Variants in BAZ2B observed in about 807,000 individuals in gnomAD.
The protein encoded by BAZ2B is bromodomain adjacent to zinc finger domain protein 2B.
BAZ2B carries 91 observed loss-of-function variants against 246.0 expected under a neutral mutation model. That is an observed-to-expected ratio of 0.37 (90% confidence interval 0.31 to 0.44). The LOEUF (loss-of-function observed/expected upper bound fraction) is 0.44. Ranked by LOEUF, BAZ2B falls within the 20% of genes least tolerant of loss-of-function variation. The pLI, the probability that BAZ2B is intolerant of heterozygous loss-of-function variation, is 1.00. For synonymous variants in BAZ2B, 855 were observed against 860.0 expected, an observed-to-expected ratio of 0.99 and a Z score of 0.10; for missense variants, 2,332 against 2,533.7, an observed-to-expected ratio of 0.92 and a Z score of 1.71.
At chr2:159,603,227 G>T (rs1490697473) in intron 1 of BAZ2B, among the ~76,000 whole-genome samples, 1 of 152,228 alleles carries the variant, frequency 6.6e-6, no homozygotes, top group African/African-American at 2.4e-5. Flanking sequence ...AAGAGAAAAT[G>T]CTCATGATAT....
At chr2:159,384,094 T>C (rs3771702) in intron 23 of BAZ2B, among the ~76,000 whole-genome samples, 93,493 of 151,842 alleles carry the variant, frequency 0.62, 31,044 homozygotes, top group Non-Finnish European at 0.76. Context: ...ACACTAAGTG[T>C]ATATATATAA....
chr2:159,387,804 T>G (rs1326808445), intron 21 of BAZ2B, among the ~76,000 whole-genome samples: 5 of 152,122 alleles, frequency 3.3e-5, no homozygotes, highest in Non-Finnish European at 5.9e-5. Flanking sequence ...TCACTTAGGA[T>G]TTAAAAAGCT....
the BAZ2B span, chr2:159,689,374 T>G: frequency 0.022 from 221 of 10,044 alleles, 1 homozygote; most frequent in Non-Finnish European, 0.035. Flanking sequence ...TTACTTTCCT[T>G]TTTTTTTTTT....
chr2:159,337,207 C>A (rs773389451), intron 32 of BAZ2B, 130 bp from the exon 33 acceptor site: 89 of 1,250,224 alleles, frequency 7.1e-5, no homozygotes, highest in Non-Finnish European at 9.3e-5. Context: ...AAGGTTTAAG[C>A]AACTAAATTT....
At chr2:159,339,108 T>C (rs1488388003) in intron 31 of BAZ2B, among the ~76,000 whole-genome samples, 1 of 152,176 alleles carries the variant, frequency 6.6e-6, no homozygotes, top group African/African-American at 2.4e-5. Flanking sequence ...GATAAATTCT[T>C]CCCCTTTAAC....
chr2:159,629,673 G>C, the BAZ2B span, among the ~76,000 whole-genome samples: 1 of 152,010 alleles, frequency 6.6e-6, no homozygotes, highest in African/African-American at 2.4e-5. Flanking sequence ...GGGGCCTGTT[G>C]GGGGATAGGG....
the BAZ2B span, among the ~76,000 whole-genome samples, chr2:159,691,743 A>T: frequency 6.6e-6 from 1 of 152,258 alleles, no homozygotes; most frequent in South Asian, 2.1e-4. Context: ...TACACTAAAC[A>T]GGATAAAGAA....
chr2:159,625,795 T>A, the BAZ2B span, among the ~76,000 whole-genome samples: 1 of 152,100 alleles, frequency 6.6e-6, no homozygotes, highest in Non-Finnish European at 1.5e-5. Context: ...CCAGCTAGCA[T>A]CATAATGACA....
At chr2:159,500,492 C>T (rs1008050335) in intron 2 of BAZ2B, among the ~76,000 whole-genome samples, 1 of 152,124 alleles carries the variant, frequency 6.6e-6, no homozygotes, top group Non-Finnish European at 1.5e-5. Context: ...CAGCTTTGTT[C>T]TTTTTGCTTA....
chr2:159,548,443 C>G (rs2087675931), intron 2 of BAZ2B, among the ~76,000 whole-genome samples: 1 of 152,146 alleles, frequency 6.6e-6, no homozygotes, highest in Non-Finnish European at 1.5e-5. Context: ...TTAACTATCA[C>G]TTACAACACA....
the BAZ2B span, among the ~76,000 whole-genome samples, chr2:159,704,527 G>A: frequency 1.4e-4 from 18 of 131,144 alleles, no homozygotes; most frequent in Non-Finnish European, 2.0e-4. Flanking sequence ...TTGTTGCCCA[G>A]GCTGGAGTGC....
intron 27 of BAZ2B, among the ~76,000 whole-genome samples, chr2:159,366,726 G>C (rs910272173): frequency 7.2e-5 from 11 of 152,166 alleles, no homozygotes; most frequent in African/African-American, 2.7e-4. Context: ...ACTTTTTGTT[G>C]GATATGCAGC....
chr2:159,674,143 A>C, the BAZ2B span, among the ~76,000 whole-genome samples: 2 of 152,064 alleles, frequency 1.3e-5, no homozygotes, highest in African/African-American at 4.8e-5. Context: ...AAGGAGTTCA[A>C]GACCAGCCTA....
At chr2:159,419,570 G>C (rs2068371669) in intron 13 of BAZ2B, among the ~76,000 whole-genome samples, 1 of 152,156 alleles carries the variant, frequency 6.6e-6, no homozygotes, top group Non-Finnish European at 1.5e-5. Context: ...GAAAGAGTAA[G>C]AACCATGAGA....
chr2:159,386,551 T>G lies in BAZ2B; in HGVS notation c.3273A>C (p.Ser1091=), dbSNP rs751557460. Residue 1091 remains serine, a synonymous_variant, in exon 22 of 37, where the codon TCA becomes TCC. Transcript: ENST00000392783. Reference sequence around the variant, plus strand: ...AGAACTGCACCACCATGAGACAGTCTGAAAATGTACTTCCAGAGAGAACAA... The same window carrying G: ...AGAACTGCACCACCATGAGACAGTCGGAAAATGTACTTCCAGAGAGAACAA... The part of the protein sequence containing the change: ...PGLVLSGSTF[S]DCLMVVQFLR... 1 of 1,613,238 alleles carries G rather than the reference T, an allele frequency of 6.2e-7. No homozygotes were observed. Among genetic ancestry groups the G allele is most frequent in the Non-Finnish European group, 8.5e-7 (1 of 1,179,662 alleles).
chr2:159,588,656 G>A (rs1241793557), intron 1 of BAZ2B, among the ~76,000 whole-genome samples: 2 of 152,064 alleles, frequency 1.3e-5, no homozygotes, highest in Non-Finnish European at 2.9e-5. Context: ...TCAATAGCTC[G>A]GTTTAGTCAT....
At chr2:159,647,970 A>G in the BAZ2B span, among the ~76,000 whole-genome samples, 1 of 152,188 alleles carries the variant, frequency 6.6e-6, no homozygotes, top group Non-Finnish European at 1.5e-5. Flanking sequence ...GTGAGAACTT[A>G]CTGTAATTTG....
At chr2:159,326,636 C>G (rs1454457904) in intron 34 of BAZ2B, among the ~76,000 whole-genome samples, 1 of 150,634 alleles carries the variant, frequency 6.6e-6, no homozygotes, top group Non-Finnish European at 1.5e-5. Flanking sequence ...TAACTTTAAG[C>G]AAAAATATTT....
At chr2:159,377,478 A>C (rs1441778594) in intron 25 of BAZ2B, among the ~76,000 whole-genome samples, 1 of 152,204 alleles carries the variant, frequency 6.6e-6, no homozygotes, top group Non-Finnish European at 1.5e-5. Context: ...TTTGCCAGTG[A>C]AATCCTAAAA....
Sources: allele counts gnomAD v4.1 joint callset (sites outside exome capture counted in the v4.1 genomes callset), GRCh38; gene constraint gnomAD v4.1.1; transcripts MANE v1.5; gene names NCBI Gene and HGNC (gene_info 2026-07-23, HGNC 2026-07-21).